Variants in C5orf52 observed in about 807,000 individuals in gnomAD.
The protein encoded by C5orf52 is chromosome 5 open reading frame 52, also known as uncharacterized protein C5orf52.
Under a neutral mutation model 16.8 loss-of-function variants are expected in C5orf52, and 15 were observed. That is an observed-to-expected ratio of 0.89 (90% CI 0.60 to 1.38). The LOEUF is 1.38. Ranked by LOEUF, C5orf52 falls within the 40% of genes most tolerant of loss-of-function variation. The probability of loss-of-function intolerance (pLI) is 0.00; values close to 1 mark genes in which losing one functional copy is unlikely to be tolerated. For synonymous variants in C5orf52, 83 were observed against 87.2 expected (o/e 0.95, Z 0.27); for missense variants, 206 against 213.1 (o/e 0.97, Z 0.21).
chr5:157,678,613 C>T (rs577160551), intron 2 of C5orf52, among the ~76,000 whole-genome samples: 3 of 152,290 alleles, frequency 2.0e-5, no homozygotes, highest in East Asian at 1.9e-4. Flanking sequence ...CATGCCACCA[C>T]ACCCAGCTAG....
intron 2 of C5orf52, among the ~76,000 whole-genome samples, chr5:157,677,929 A>C (rs1759933701): frequency 1.3e-5 from 2 of 152,170 alleles, no homozygotes; most frequent in African/African-American, 4.8e-5. Context: ...GGTTGCAGTT[A>C]ACCAAGATTG....
intron 1 of C5orf52, among the ~76,000 whole-genome samples, chr5:157,674,247 C>T (rs1391174454): frequency 2.0e-5 from 3 of 152,048 alleles, no homozygotes; most frequent in African/African-American, 7.2e-5. Flanking sequence ...TCCCTGTTAA[C>T]CAGCCTAACA....
chr5:157,678,946 A>C (rs1165889041), intron 2 of C5orf52, among the ~76,000 whole-genome samples: 1 of 151,962 alleles, frequency 6.6e-6, no homozygotes, highest in Non-Finnish European at 1.5e-5. Context: ...CATCCTGGCT[A>C]ACATGGTGAA....
At chr5:157,673,670 CG>C (rs1759839313) in intron 1 of C5orf52, among the ~76,000 whole-genome samples, 1 of 150,256 alleles carries the variant, frequency 6.7e-6, no homozygotes, top group African/African-American at 2.5e-5. Context: ...TTTTTTGAGA[CG>C]GAGTCTCACT....
chr5:157,678,716 C>T (rs1759953648), intron 2 of C5orf52, among the ~76,000 whole-genome samples: 1 of 152,118 alleles, frequency 6.6e-6, no homozygotes, highest in Admixed American at 6.5e-5. Flanking sequence ...CTGCCTTGGC[C>T]CCCCAAAGTG....
At chr5:157,675,570 G>A (rs1034571061) in intron 2 of C5orf52, among the ~76,000 whole-genome samples, 2 of 152,104 alleles carry the variant, frequency 1.3e-5, no homozygotes, top group Non-Finnish European at 2.9e-5. Flanking sequence ...TTGGGAGGCT[G>A]AGGCAGGAGG....
At chr5:157,671,872 G>A in intron 1 of C5orf52, 46 bp downstream of exon 1, 2 of 1,304,894 alleles carry the variant, frequency 1.5e-6, no homozygotes, top group Non-Finnish European at 2.1e-6. Context: ...TCGGACCCGC[G>A]AGGGAACCCT....
rs1561594014 is a variant in C5orf52 at position 157,671,836 on chromosome 5, G to T, written c.212+10G>T. On this transcript the variant is annotated intron_variant, in intron 1 of 2. Coordinates refer to ENST00000409999, the MANE Select transcript of C5orf52 (RefSeq NM_001145132.2). ...AGCCGGTGCTGTTCAGGTGTGGCCC[G>T]CATGCCCAGAGCGTTCGTCAGACCC... The T allele has an allele frequency of 1.3e-6, 2 of 1,491,482 alleles. No homozygotes were observed. Among genetic ancestry groups the T allele is most frequent in the Non-Finnish European group, 1.8e-6 (2 of 1,113,590 alleles). The allele number at this position is 1,491,482 out of a possible 1,614,324, so 92.4% of individuals were successfully genotyped here.
chr5:157,677,774 G>A (rs866957120), intron 2 of C5orf52, among the ~76,000 whole-genome samples: 3 of 151,854 alleles, frequency 2.0e-5, no homozygotes, highest in Admixed American at 6.6e-5. Context: ...ACTTGAGGTC[G>A]GGAGTTTGAG....
chr5:157,677,604 A>G (rs1292279805), intron 2 of C5orf52, among the ~76,000 whole-genome samples: 1 of 150,998 alleles, frequency 6.6e-6, no homozygotes, highest in Non-Finnish European at 1.5e-5. Flanking sequence ...CGATGAGCCA[A>G]TATCGCATAA....
At chr5:157,676,957 C>T (rs1759907451) in intron 2 of C5orf52, among the ~76,000 whole-genome samples, 1 of 150,554 alleles carries the variant, frequency 6.6e-6, no homozygotes, top group South Asian at 2.1e-4. Context: ...TAGCCTCAAC[C>T]TCCTGAGTTC....
chr5:157,677,590 G>T (rs1581417574), intron 2 of C5orf52, among the ~76,000 whole-genome samples: 1 of 150,258 alleles, frequency 6.7e-6, no homozygotes, highest in Admixed American at 6.7e-5. Context: ...GGAGGCCGAG[G>T]TTGCGATGAG....
chr5:157,671,311 A>C, upstream of C5orf52: 1 of 387,654 alleles, frequency 2.6e-6, no homozygotes, highest in Non-Finnish European at 4.6e-6. Flanking sequence ...TCGAAGCGGA[A>C]AAGGTCTGCT....
chr5:157,677,353 C>T (rs753990191), intron 2 of C5orf52, among the ~76,000 whole-genome samples: 1 of 152,108 alleles, frequency 6.6e-6, no homozygotes, highest in Non-Finnish European at 1.5e-5. Context: ...GGCCAAAAAG[C>T]CTACTGTCAT....
At position 157,672,837 on chromosome 5, in the gene C5orf52, G is replaced by A. The variant is rs1359768759; in HGVS notation, c.212+1011G>A. 2.6e-5 allele frequency among the ~76,000 whole-genome samples: 4 copies of A among 151,924 alleles called. No individual in the cohort carries two copies. In the East Asian group the frequency reaches 7.8e-4, roughly 30 times the overall value. On this transcript the variant is annotated intron_variant, in intron 1 of 2. Coordinates refer to ENST00000409999, the MANE Select transcript of C5orf52 (RefSeq NM_001145132.2). ...TGCTCGGCTAATTTTTGTATTATTA[G>A]TAGAGGCGGGGTTTCACCATGTTGG...
Position 157,672,722 on chromosome 5 carries a change from G to A in C5orf52, c.212+896G>A, listed in dbSNP as rs1759819936. On this transcript the variant is annotated intron_variant, in intron 1 of 2. Transcript: ENST00000409999. ...AGTTTGTAAATCTAAAAACATACAC[G>A]ACACTCCGGGTTCCAAATTGGCTGA... Among the ~76,000 whole-genome samples, 7 of 152,134 alleles carry A rather than the reference G, an allele frequency of 4.6e-5. No homozygotes were observed. In the South Asian group the frequency reaches 1.2e-3, roughly 27 times the overall value.
At chr5:157,671,283 G>A (rs552367471), upstream of C5orf52, 28 of 307,046 alleles carry the variant, frequency 9.1e-5, no homozygotes, top group Middle Eastern at 4.5e-3. Flanking sequence ...GCAGGCCGGG[G>A]TCACTGCAGT....
At chr5:157,671,491 G>A (rs1346030873), upstream of C5orf52, 1 of 761,484 alleles carries the variant, frequency 1.3e-6, no homozygotes, top group African/African-American at 1.8e-5. Context: ...GTGTCTCCCA[G>A]GCAACGCGCC....
In C5orf52 at chr5:157,675,115, C is replaced by T. The variant is rs142164982; in HGVS notation, c.236C>T (p.Ala79Val). 1,825 of 1,550,584 alleles carry T rather than the reference C, an allele frequency of 1.2e-3. 16 individuals are homozygous for T. The African/African-American group carries it at 0.021, about 18-fold the overall frequency. Residue 79 changes from alanine (A) to valine (V), a missense_variant, in exon 2 of 3, where the codon GCG becomes GTG. Ala to Val is a moderately conservative substitution (Grantham distance 64). Transcript: ENST00000409999. ...LFSLMNSSEAAMKKTLPKSHL... is the reference protein window; with the variant it reads ...LFSLMNSSEAVMKKTLPKSHL... The stretch of plus-strand genomic sequence containing the variant: ...AGCTTAATGAATTCCAGTGAAGCAG[C>T]GATGAAAAAAACTTTACCCAAGAGC...
Sources: gnomAD v4.1 joint callset for allele counts (sites outside exome capture counted in the v4.1 genomes callset) on GRCh38, gnomAD v4.1.1 for gene constraint, MANE v1.5 for transcripts, NCBI Gene and HGNC (gene_info 2026-07-23, HGNC 2026-07-21) for gene names.